Variants in HDAC9 observed in about 807,000 individuals in gnomAD.
HDAC9 encodes the protein histone deacetylase 9, also known as MEF-2 interacting transcription repressor (MITR) protein.
A neutral mutation model predicts 139.4 loss-of-function variants in HDAC9; 41 were observed. That is an observed-to-expected ratio of 0.29 (90% CI 0.23 to 0.38). The LOEUF is 0.38. Ranked by LOEUF, HDAC9 falls within the 10% of genes least tolerant of loss-of-function variation. HDAC9 has a pLI of 1.00. For missense variants in HDAC9, 1,147 were observed against 1,297.0 expected (o/e 0.88, Z 1.78); for synonymous variants, 517 against 476.2 (o/e 1.09, Z -1.12).
chr7:18,300,019 C>G (rs1003259395), intron 1 of HDAC9, among the ~76,000 whole-genome samples: 1 of 152,128 alleles, frequency 6.6e-6, no homozygotes, highest in African/African-American at 2.4e-5. Context: ...TTCCCAGGAA[C>G]TCAGATACCA....
chr7:18,289,484 A>G (rs1797670784), upstream of HDAC9, among the ~76,000 whole-genome samples: 1 of 152,212 alleles, frequency 6.6e-6, no homozygotes, highest in Non-Finnish European at 1.5e-5. Context: ...ACATGTAAAT[A>G]TATTTTAAAA....
At chr7:18,290,500 A>G (rs1248126454) in exon 1 of HDAC9, 2 of 456,664 alleles carry the variant, frequency 4.4e-6, no homozygotes, top group Admixed American at 2.3e-5. Flanking sequence ...CAAAGAGGGA[A>G]TGCACAACAA....
At chr7:18,384,965 A>C (rs755374811) in intron 1 of HDAC9, among the ~76,000 whole-genome samples, 1 of 152,116 alleles carries the variant, frequency 6.6e-6, no homozygotes, top group Non-Finnish European at 1.5e-5. Flanking sequence ...TCACAGTTGG[A>C]TGTAAAGTGA....
At chr7:18,650,006 A>G (rs539344172) in intron 11 of HDAC9, among the ~76,000 whole-genome samples, 6 of 152,240 alleles carry the variant, frequency 3.9e-5, no homozygotes, top group African/African-American at 1.4e-4. Flanking sequence ...AATTTAGCAA[A>G]TATTTCGGTT....
At chr7:18,911,313 G>C (rs367688580) in intron 22 of HDAC9, among the ~76,000 whole-genome samples, 2 of 151,706 alleles carry the variant, frequency 1.3e-5, no homozygotes, top group African/African-American at 4.8e-5. Context: ...TTGTATAGTT[G>C]TATAGTTGGT....
chr7:18,408,250 G>A (rs1281065166), intron 1 of HDAC9, among the ~76,000 whole-genome samples: 1 of 152,162 alleles, frequency 6.6e-6, no homozygotes, highest in Non-Finnish European at 1.5e-5. Flanking sequence ...AGGCAAGTAT[G>A]TGTTGTCTTT....
chr7:18,432,402 T>C (rs569590436), intron 1 of HDAC9, among the ~76,000 whole-genome samples: 2 of 152,340 alleles, frequency 1.3e-5, no homozygotes, highest in Admixed American at 1.3e-4. Flanking sequence ...GAGCCTAGTA[T>C]GAGGGTCTTG....
chr7:18,292,788 A>T (rs986758844), intron 1 of HDAC9, among the ~76,000 whole-genome samples: 7 of 152,160 alleles, frequency 4.6e-5, no homozygotes, highest in African/African-American at 1.7e-4. Context: ...AGAAATAAAA[A>T]TTGGCTGAAT....
intron 1 of HDAC9, among the ~76,000 whole-genome samples, chr7:18,356,358 GTTT>G (rs5882659): frequency 0.051 from 2,818 of 55,100 alleles, 97 homozygotes; most frequent in East Asian, 0.28. Context: ...CAGCACATAG[GTTT>G]TTTTTTTTTT....
At chr7:18,247,840 T>C (rs146018823) in intron 2 of HDAC9, among the ~76,000 whole-genome samples, 21 of 152,322 alleles carry the variant, frequency 1.4e-4, no homozygotes, top group Admixed American at 3.3e-4. Flanking sequence ...GAAGATTCTC[T>C]TTCTGGAACA....
chr7:18,422,742 G>GCACACACACACA (rs1415773160), intron 1 of HDAC9, among the ~76,000 whole-genome samples: 6 of 136,126 alleles, frequency 4.4e-5, no homozygotes, highest in African/African-American at 8.9e-5. Context: ...ACACACACAC[G>GCACACACACACA]CGCACACACA....
At chr7:18,987,582 A>C (rs953155891) in intron 25 of HDAC9, among the ~76,000 whole-genome samples, 7 of 152,328 alleles carry the variant, frequency 4.6e-5, no homozygotes, top group African/African-American at 1.4e-4. Flanking sequence ...CTGGCCTCAT[A>C]AAATGAGTTA....
intron 24 of HDAC9, among the ~76,000 whole-genome samples, chr7:18,973,318 G>GAAAACAAGAAAAGGATGTCATA: frequency 6.6e-6 from 1 of 152,230 alleles, no homozygotes; most frequent in African/African-American, 2.4e-5. Flanking sequence ...AGCCACCATA[G>GAAAACAAGAAAAGGATGTCATA]AAAACAAGAA....
intron 24 of HDAC9, among the ~76,000 whole-genome samples, chr7:18,961,506 T>G (rs1783526935): frequency 6.6e-6 from 1 of 152,140 alleles, no homozygotes; most frequent in Admixed American, 6.6e-5. Context: ...AAAGACACTT[T>G]GCTGATAGAA....
intron 23 of HDAC9, among the ~76,000 whole-genome samples, chr7:18,952,918 T>C (rs1187694830): frequency 6.6e-6 from 1 of 151,850 alleles, no homozygotes; most frequent in African/African-American, 2.4e-5. Context: ...TGGAAAGTTA[T>C]AGTTAGTGAA....
At chr7:18,435,154 A>G (rs1791068938) in intron 1 of HDAC9, among the ~76,000 whole-genome samples, 1 of 151,900 alleles carries the variant, frequency 6.6e-6, no homozygotes, top group Admixed American at 6.6e-5. Context: ...TAATGCAGGA[A>G]CAGAAAACCA....
At chr7:18,541,298 A>G (rs923875738) in intron 2 of HDAC9, among the ~76,000 whole-genome samples, 1 of 152,026 alleles carries the variant, frequency 6.6e-6, no homozygotes, top group African/African-American at 2.4e-5. Context: ...GCAGCCTGCC[A>G]GTAGAACGTG....
chr7:18,793,116 T>C, intron 16 of HDAC9: 1 of 515,920 alleles, frequency 1.9e-6, no homozygotes, highest in Non-Finnish European at 3.5e-6. Flanking sequence ...GAAGTCAGTG[T>C]AGAGAAAAAG....
Position 18,646,021 on chromosome 7 carries a change from A to G in HDAC9, c.1035+1228A>G, listed in dbSNP as rs565532320. Among the ~76,000 whole-genome samples the G allele has an allele frequency of 3.3e-5, 5 of 152,312 alleles. No individual in the cohort carries two copies. The South Asian group carries it at 1.0e-3, about 32-fold the overall frequency. ...AGCATTGAAAATACAGAATTCAGCT[A>G]TGCTCTTAAAATTCCACATGAAACA... On this transcript the variant is annotated intron_variant, in intron 9 of 25. Transcript: ENST00000686413.
Sources: gnomAD v4.1 joint callset for allele counts (sites outside exome capture counted in the v4.1 genomes callset) on GRCh38, gnomAD v4.1.1 for gene constraint, MANE v1.5 for transcripts, NCBI Gene and HGNC (gene_info 2026-07-23, HGNC 2026-07-21) for gene names.